SORCS1: variants seen among roughly 807,000 people sequenced by gnomAD.
The protein encoded by SORCS1 is sortilin related VPS10 domain containing receptor 1.
A neutral mutation model predicts 146.1 loss-of-function variants in SORCS1; 60 were observed. That is an observed-to-expected ratio of 0.41 (90% CI 0.33 to 0.51). The LOEUF (loss-of-function observed/expected upper bound fraction) is 0.51. Ranked by LOEUF, SORCS1 falls within the 20% of genes least tolerant of loss-of-function variation. The pLI, the probability that SORCS1 is intolerant of heterozygous loss-of-function variation, is 0.21. For synonymous variants in SORCS1, 637 were observed against 584.0 expected (o/e 1.09, Z -1.31); for missense variants, 1,352 against 1,487.6 (o/e 0.91, Z 1.50).
At chr10:107,090,280 A>G (rs570432016) in intron 1 of SORCS1, among the ~76,000 whole-genome samples, 8 of 152,312 alleles carry the variant, frequency 5.3e-5, no homozygotes, top group African/African-American at 1.9e-4. Context: ...ACACCACAAG[A>G]GAGGAAGTAA....
At chr10:106,741,735 G>A (rs1589781429) in intron 5 of SORCS1, among the ~76,000 whole-genome samples, 1 of 152,296 alleles carries the variant, frequency 6.6e-6, no homozygotes, top group East Asian at 1.9e-4. Flanking sequence ...GGGGTCCCAT[G>A]TCCCAGAGAT....
intron 3 of SORCS1, among the ~76,000 whole-genome samples, chr10:106,805,910 A>G (rs1947141838): frequency 6.6e-6 from 1 of 150,470 alleles, no homozygotes; most frequent in Non-Finnish European, 1.5e-5. Context: ...AATACAAAAA[A>G]TTAGCCAGGC....
At chr10:106,880,151 T>C (rs1430265041) in intron 2 of SORCS1, among the ~76,000 whole-genome samples, 3 of 152,212 alleles carry the variant, frequency 2.0e-5, no homozygotes, top group Admixed American at 6.5e-5. Flanking sequence ...GGGACAGGTA[T>C]TGATCAGGCT....
At chr10:106,613,222 G>A (rs1178030397) in intron 21 of SORCS1, among the ~76,000 whole-genome samples, 1 of 152,116 alleles carries the variant, frequency 6.6e-6, no homozygotes, top group African/African-American at 2.4e-5. Flanking sequence ...AGTTAGTTTG[G>A]TTCTCCAGGA....
In SORCS1 at chr10:107,108,468, C is replaced by T. The variant is rs144588349; in HGVS notation, c.558+55501G>A. On this transcript the variant is annotated intron_variant, in intron 1 of 25. Transcript: ENST00000263054. Reference sequence around the variant, plus strand: ...AAGAGAGTAGTGGTGAGGTGCCACACACTTTTAAATGACCAGATCTCAAAA... The same window carrying T: ...AAGAGAGTAGTGGTGAGGTGCCACATACTTTTAAATGACCAGATCTCAAAA... Among the ~76,000 whole-genome samples, 1,293 of 152,218 alleles carry T rather than the reference C, an allele frequency of 8.5e-3. 8 individuals carry two copies. The highest frequency in any genetic ancestry group is 0.013 in the Non-Finnish European group (907 of 68,006).
At chr10:106,615,866 T>C (rs1847326535) in intron 21 of SORCS1, among the ~76,000 whole-genome samples, 1 of 152,134 alleles carries the variant, frequency 6.6e-6, no homozygotes, top group Non-Finnish European at 1.5e-5. Flanking sequence ...TAGCAAGGCA[T>C]GGGAGGTGCT....
At chr10:107,132,091 A>C (rs1966895998) in intron 1 of SORCS1, among the ~76,000 whole-genome samples, 1 of 152,208 alleles carries the variant, frequency 6.6e-6, no homozygotes, top group Non-Finnish European at 1.5e-5. Context: ...TCTTTTGCCT[A>C]GCATTTAAAG....
At chr10:107,137,412 T>G (rs1967400148) in intron 1 of SORCS1, among the ~76,000 whole-genome samples, 1 of 152,154 alleles carries the variant, frequency 6.6e-6, no homozygotes, top group South Asian at 2.1e-4. Context: ...AACTCAAATT[T>G]CAACTCCCTG....
At chr10:106,580,870 C>G (rs1235732045) in intron 24 of SORCS1, among the ~76,000 whole-genome samples, 4 of 152,070 alleles carry the variant, frequency 2.6e-5, no homozygotes, top group Non-Finnish European at 4.4e-5. Flanking sequence ...AGAAAATAGT[C>G]ATTTCAGGAG....
At chr10:107,014,807 C>T (rs1317105883) in intron 1 of SORCS1, among the ~76,000 whole-genome samples, 1 of 152,216 alleles carries the variant, frequency 6.6e-6, no homozygotes. Context: ...CTTTTCACCA[C>T]ATAAACTTAT....
chr10:106,941,041 C>G (rs972468301), intron 2 of SORCS1, among the ~76,000 whole-genome samples: 1 of 152,108 alleles, frequency 6.6e-6, no homozygotes, highest in Non-Finnish European at 1.5e-5. Context: ...TGACCCTGTT[C>G]GGGTTACCTC....
chr10:106,870,381 G>A (rs1237915361), intron 2 of SORCS1, among the ~76,000 whole-genome samples: 2 of 152,082 alleles, frequency 1.3e-5, no homozygotes, highest in Non-Finnish European at 1.5e-5. Flanking sequence ...AATAGCCCAG[G>A]CAATCTTAAG....
At chr10:107,052,202 GC>G (rs1397496619) in intron 1 of SORCS1, among the ~76,000 whole-genome samples, 1 of 152,218 alleles carries the variant, frequency 6.6e-6, no homozygotes, top group East Asian at 1.9e-4. Flanking sequence ...GTGGAGGCCT[GC>G]TGGCTACTTA....
intron 1 of SORCS1, among the ~76,000 whole-genome samples, chr10:107,035,936 T>C (rs1247792918): frequency 6.7e-6 from 1 of 148,834 alleles, no homozygotes; most frequent in East Asian, 1.9e-4. Flanking sequence ...GTTTATAACA[T>C]ATATATAATA....
chr10:107,166,464 G>T (rs1039567682), upstream of SORCS1, among the ~76,000 whole-genome samples: 1 of 152,286 alleles, frequency 6.6e-6, no homozygotes, highest in East Asian at 1.9e-4. Flanking sequence ...TACCTAAAAG[G>T]ACCTAAAAGA....
intron 1 of SORCS1, among the ~76,000 whole-genome samples, chr10:106,995,880 T>C (rs186657686): frequency 2.6e-5 from 4 of 152,168 alleles, no homozygotes; most frequent in Non-Finnish European, 5.9e-5. Context: ...CTGGCAAATG[T>C]TGTGACCAGT....
In SORCS1 at chr10:106,579,274, C is replaced by T; in HGVS notation, c.3371+95G>A. The T allele has an allele frequency of 1.9e-6, 3 of 1,614,056 alleles. No individual in the cohort carries two copies. The East Asian group carries it at 6.7e-5, about 36-fold the overall frequency. On this transcript the variant is annotated intron_variant, in intron 25 of 25. Transcript: ENST00000263054. ...TTCCTAAAATATTAATAGAAACCAT[C>T]ACTGCTATGCACATCACTGTAACAC...
chr10:107,122,356 G>A (rs1485329840), intron 1 of SORCS1, among the ~76,000 whole-genome samples: 2 of 152,166 alleles, frequency 1.3e-5, no homozygotes, highest in African/African-American at 4.8e-5. Context: ...TTCAAAAAGA[G>A]AAGTGCTGAG....
intron 1 of SORCS1, among the ~76,000 whole-genome samples, chr10:107,146,894 T>C (rs1331721074): frequency 6.6e-6 from 1 of 152,172 alleles, no homozygotes; most frequent in Non-Finnish European, 1.5e-5. Context: ...GTACAATTCC[T>C]TGTACTCATG....
Sources: gnomAD v4.1 joint callset for allele counts (sites outside exome capture counted in the v4.1 genomes callset) on GRCh38, gnomAD v4.1.1 for gene constraint, MANE v1.5 for transcripts, NCBI Gene and HGNC (gene_info 2026-07-23, HGNC 2026-07-21) for gene names.